Variants in ROBO2 observed in about 807,000 individuals in gnomAD.
ROBO2 encodes the protein roundabout homolog 2.
A neutral mutation model predicts 160.8 loss-of-function variants in ROBO2; 53 were observed. The ratio of observed to expected loss-of-function variants is 0.33; its 90% confidence interval spans 0.26 to 0.41. ROBO2 has a LOEUF of 0.41. ROBO2 is among the 10% of genes least tolerant of loss of function. ROBO2 has a pLI of 1.00. For missense variants in ROBO2, 1,577 were observed against 1,722.4 expected, an observed-to-expected ratio of 0.92 and a Z score of 1.49; for synonymous variants, 664 against 611.7, an observed-to-expected ratio of 1.09 and a Z score of -1.26.
intron 2 of ROBO2, among the ~76,000 whole-genome samples, chr3:77,197,100 G>A (rs2082381134): frequency 6.6e-6 from 1 of 152,128 alleles, no homozygotes; most frequent in Non-Finnish European, 1.5e-5. Flanking sequence ...AATATTTTAT[G>A]GAATCATGAA....
At chr3:76,251,720 C>T (rs769066069) in intron 2 of ROBO2, among the ~76,000 whole-genome samples, 10 of 151,996 alleles carry the variant, frequency 6.6e-5, no homozygotes, top group Non-Finnish European at 1.0e-4. Context: ...AAATAAGGAA[C>T]ATTCAGTTAA....
At chr3:76,141,837 A>C (rs1029569660) in intron 2 of ROBO2, among the ~76,000 whole-genome samples, 5 of 152,010 alleles carry the variant, frequency 3.3e-5, no homozygotes, top group African/African-American at 4.8e-5. Context: ...GTTAAAATGT[A>C]AGCTCCACTA....
At chr3:77,266,754 C>T (rs2153347196) in intron 2 of ROBO2, among the ~76,000 whole-genome samples, 1 of 152,132 alleles carries the variant, frequency 6.6e-6, no homozygotes, top group Admixed American at 6.6e-5. Context: ...AATAATTATC[C>T]ACATTGGAAG....
chr3:76,898,462 A>T (rs981052573), intron 2 of ROBO2, among the ~76,000 whole-genome samples: 1 of 152,138 alleles, frequency 6.6e-6, no homozygotes, highest in Non-Finnish European at 1.5e-5. Context: ...TTTAATACAC[A>T]TACACATAAA....
chr3:76,629,920 A>G (rs2089919085), intron 2 of ROBO2, among the ~76,000 whole-genome samples: 1 of 152,198 alleles, frequency 6.6e-6, no homozygotes, highest in Admixed American at 6.5e-5. Flanking sequence ...GAGGTTGCCA[A>G]TGCCATGATG....
At chr3:76,033,935 A>G (rs1240277866) in intron 2 of ROBO2, among the ~76,000 whole-genome samples, 2 of 152,224 alleles carry the variant, frequency 1.3e-5, no homozygotes, top group Non-Finnish European at 2.9e-5. Flanking sequence ...CCGAAAGGGA[A>G]AGTAGAAACT....
chr3:76,353,971 C>G (rs114674412), intron 2 of ROBO2, among the ~76,000 whole-genome samples: 2 of 151,676 alleles, frequency 1.3e-5, no homozygotes, highest in Admixed American at 6.6e-5. Flanking sequence ...CAGTCGGAGA[C>G]GAAGAACAGT....
At chr3:77,016,180 G>A (rs922842373) in intron 2 of ROBO2, among the ~76,000 whole-genome samples, 1 of 152,054 alleles carries the variant, frequency 6.6e-6, no homozygotes, top group Non-Finnish European at 1.5e-5. Flanking sequence ...GTTTCACCGT[G>A]TTAGCCAGGA....
chr3:77,526,507 G>C (rs1363309674), intron 6 of ROBO2, among the ~76,000 whole-genome samples: 1 of 151,416 alleles, frequency 6.6e-6, no homozygotes, highest in Non-Finnish European at 1.5e-5. Flanking sequence ...TTTGGATAAT[G>C]GGATCACATG....
intron 2 of ROBO2, among the ~76,000 whole-genome samples, chr3:76,453,121 A>G (rs1408721899): frequency 6.6e-6 from 1 of 152,100 alleles, no homozygotes; most frequent in African/African-American, 2.4e-5. Flanking sequence ...CCCATTCTGT[A>G]GGCTGCCTGT....
intron 20 of ROBO2, chr3:77,602,919 G>A (rs2094461633): frequency 2.2e-6 from 1 of 458,866 alleles, no homozygotes. Flanking sequence ...TATGACCTCT[G>A]CCCTTTAACC....
Position 77,436,822 on chromosome 3 carries a change from G to A in ROBO2, c.389-40592G>A, listed in dbSNP as rs2079340035. The stretch of plus-strand genomic sequence containing the variant: ...TTGAAGTCTATTCAAATAGGAATAA[G>A]GAAAGAAACTATTATAGCCTGTATG... On this transcript the variant is annotated intron_variant, in intron 2 of 25. Transcript: ENST00000461745. 2.0e-5 allele frequency among the ~76,000 whole-genome samples: 3 copies of A among 151,794 alleles called. 1 individual carries two copies. Among genetic ancestry groups the A allele is most frequent in the South Asian group, 4.1e-4 (2 of 4,826 alleles).
intron 2 of ROBO2, among the ~76,000 whole-genome samples, chr3:77,427,308 A>G (rs1418764994): frequency 6.6e-6 from 1 of 152,228 alleles, no homozygotes; most frequent in Admixed American, 6.5e-5. Flanking sequence ...TATTTTATTT[A>G]TGATGTGCTA....
intron 2 of ROBO2, among the ~76,000 whole-genome samples, chr3:77,158,103 G>C (rs1489521203): frequency 6.6e-6 from 1 of 152,126 alleles, no homozygotes; most frequent in Non-Finnish European, 1.5e-5. Flanking sequence ...TTCTCTTGCA[G>C]GCTGAGCCGA....
chr3:77,134,539 T>G (rs75300994), intron 2 of ROBO2, among the ~76,000 whole-genome samples: 2,537 of 152,274 alleles, frequency 0.017, 28 homozygotes, highest in African/African-American at 0.028. Context: ...TCAAGAAGTT[T>G]CCAGTGTTGG....
chr3:76,602,951 C>G (rs958031016), intron 2 of ROBO2, among the ~76,000 whole-genome samples: 1 of 152,158 alleles, frequency 6.6e-6, no homozygotes, highest in Non-Finnish European at 1.5e-5. Flanking sequence ...TTCTAATCTT[C>G]TATTTCCTCT....
At chr3:76,603,326 CATCTCCAAAAAAAA>C (rs1294553131) in intron 2 of ROBO2, among the ~76,000 whole-genome samples, 1 of 81,778 alleles carries the variant, frequency 1.2e-5, no homozygotes, top group African/African-American at 6.1e-5. Flanking sequence ...AGCGAGACTC[CATCTCCAAAAAAAA>C]AAAAAAAAAA....
intron 1 of ROBO2, among the ~76,000 whole-genome samples, chr3:75,934,554 AAGTT>A (rs953106784): frequency 2.6e-5 from 4 of 152,256 alleles, no homozygotes; most frequent in Admixed American, 6.5e-5. Flanking sequence ...ACTAATACCA[AAGTT>A]AGTTAGAAGG....
chr3:76,652,850 G>C (rs1299281793), intron 2 of ROBO2, among the ~76,000 whole-genome samples: 2 of 151,836 alleles, frequency 1.3e-5, no homozygotes, highest in Non-Finnish European at 2.9e-5. Flanking sequence ...ACAATGAAGG[G>C]TTATGGCCTC....
Sources: allele counts gnomAD v4.1 joint callset (sites outside exome capture counted in the v4.1 genomes callset), GRCh38; gene constraint gnomAD v4.1.1; transcripts MANE v1.5; gene names NCBI Gene and HGNC (gene_info 2026-07-23, HGNC 2026-07-21).